Variants in CSMD1 observed in about 807,000 individuals in gnomAD.
CSMD1 encodes CUB and sushi domain-containing protein 1.
Under a neutral mutation model 417.5 loss-of-function variants are expected in CSMD1, and 213 were observed. The ratio of observed to expected loss-of-function variants is 0.51; its 90% CI spans 0.46 to 0.57. The LOEUF (loss-of-function observed/expected upper bound fraction) is 0.57. Ranked by LOEUF, CSMD1 falls within the 20% of genes least tolerant of loss-of-function variation. The probability of loss-of-function intolerance (pLI) is 0.00; values close to 1 mark genes in which losing one functional copy is unlikely to be tolerated. For missense variants in CSMD1, 6,923 were observed against 4,529.7 expected, an observed-to-expected ratio of 1.53 and a Z score of -15.17; for synonymous variants, 2,862 against 1,736.8, an observed-to-expected ratio of 1.65 and a Z score of -16.11.
At chr8:4,071,332 ACAT>A (rs1002755093) in intron 3 of CSMD1, among the ~76,000 whole-genome samples, 3 of 152,142 alleles carry the variant, frequency 2.0e-5, no homozygotes, top group African/African-American at 7.2e-5. Context: ...CATTGGACTA[ACAT>A]CATCAAGCTC....
At chr8:3,050,003 G>C (rs1047287637) in intron 50 of CSMD1, among the ~76,000 whole-genome samples, 1 of 151,744 alleles carries the variant, frequency 6.6e-6, no homozygotes, top group Non-Finnish European at 1.5e-5. Context: ...AAGTGACCTT[G>C]TCATTTAGCA....
At chr8:3,072,775 T>A (rs942798031) in intron 49 of CSMD1, among the ~76,000 whole-genome samples, 1 of 152,196 alleles carries the variant, frequency 6.6e-6, no homozygotes, top group Non-Finnish European at 1.5e-5. Flanking sequence ...TAGCATCGTA[T>A]TGGTTAGCAC....
intron 7 of CSMD1, among the ~76,000 whole-genome samples, chr8:3,681,363 G>A (rs1216361182): frequency 6.6e-6 from 1 of 152,050 alleles, no homozygotes; most frequent in Non-Finnish European, 1.5e-5. Context: ...AAATCAATGT[G>A]CAAAAATCAC....
chr8:4,589,125 G>A (rs1799858872), intron 2 of CSMD1, among the ~76,000 whole-genome samples: 1 of 151,962 alleles, frequency 6.6e-6, no homozygotes, highest in African/African-American at 2.4e-5. Context: ...GTTTCAAAAA[G>A]AGAAACTAGA....
chr8:4,115,529 T>C (rs1173244795), intron 3 of CSMD1, among the ~76,000 whole-genome samples: 1 of 152,226 alleles, frequency 6.6e-6, no homozygotes, highest in Non-Finnish European at 1.5e-5. Flanking sequence ...TAGGATTCTT[T>C]CACTTTTGTC....
At chr8:4,504,096 G>A (rs186885983) in intron 2 of CSMD1, among the ~76,000 whole-genome samples, 2 of 152,190 alleles carry the variant, frequency 1.3e-5, no homozygotes, top group East Asian at 3.9e-4. Context: ...TCCACTGATT[G>A]ATGGATAAAG....
intron 3 of CSMD1, among the ~76,000 whole-genome samples, chr8:4,177,125 A>G (rs1348002252): frequency 1.3e-5 from 2 of 152,206 alleles, no homozygotes; most frequent in African/African-American, 2.4e-5. Flanking sequence ...AACAGAATAT[A>G]CATGTTTTTC....
chr8:4,893,058 G>C (rs1804229940), intron 1 of CSMD1, among the ~76,000 whole-genome samples: 1 of 152,124 alleles, frequency 6.6e-6, no homozygotes. Context: ...AGGAATGAGG[G>C]CTGTGTCGAT....
At position 4,334,739 on chromosome 8, in the gene CSMD1, G is replaced by A. The variant is rs117800847; in HGVS notation, c.415+85214C>T. Among the ~76,000 whole-genome samples, 159 of 152,248 alleles carry A rather than the reference G, an allele frequency of 1.0e-3. No homozygotes were observed. The Middle Eastern group carries it at 0.02, about 20-fold the overall frequency. On this transcript the variant is annotated intron_variant, in intron 3 of 69. Coordinates refer to ENST00000635120, the MANE Select transcript of CSMD1 (RefSeq NM_033225.6). ...TTTTTATTTGCATAGATACTTGAAC[G>A]ATACGCTCGACTCTACTGTGTAGTT...
At chr8:4,233,381 T>A (rs1017554138) in intron 3 of CSMD1, among the ~76,000 whole-genome samples, 1 of 152,214 alleles carries the variant, frequency 6.6e-6, no homozygotes, top group African/African-American at 2.4e-5. Context: ...CTAAGTACTA[T>A]GTTCTGAAAG....
rs188582578 is a variant in CSMD1, at chr8:3,582,166, C to T, written c.1222+3970G>A. The stretch of plus-strand genomic sequence containing the variant: ...AAATGAACTTGGAAAATGGTCCCTG[C>T]TGTACCGAACGTGTCAACAGCAAAG... On this transcript the variant is annotated intron_variant, in intron 9 of 69. Transcript: ENST00000635120. 7.9e-5 allele frequency among the ~76,000 whole-genome samples: 12 copies of T among 152,314 alleles called. No homozygotes were observed. The East Asian group carries it at 1.3e-3, about 17-fold the overall frequency.
chr8:4,791,945 C>CT (rs5889063), intron 1 of CSMD1, among the ~76,000 whole-genome samples: 24,477 of 150,876 alleles, frequency 0.16, 2,136 homozygotes, highest in African/African-American at 0.24. Flanking sequence ...GTTAGTTTTC[C>CT]TTTTTTTTTA....
intron 1 of CSMD1, among the ~76,000 whole-genome samples, chr8:4,916,788 G>A (rs769503756): frequency 5.3e-5 from 8 of 152,198 alleles, no homozygotes; most frequent in African/African-American, 1.7e-4. Flanking sequence ...AGATGCTAAC[G>A]TAGGCTTTAC....
intron 5 of CSMD1, among the ~76,000 whole-genome samples, chr8:3,976,893 T>G (rs76362051): frequency 0.057 from 8,641 of 152,208 alleles, 347 homozygotes; most frequent in Non-Finnish European, 0.079. Context: ...TACCTTGAAT[T>G]TGTTTGCAAA....
rs118002950 is a variant in CSMD1, at chr8:3,157,056, C to T, written c.5914+841G>A. Among the ~76,000 whole-genome samples the T allele has an allele frequency of 2.7e-3, 400 of 145,502 alleles. 3 individuals carry two copies. In the East Asian group the frequency reaches 0.047, roughly 17 times the overall value. Reference sequence around the variant, plus strand: ...CGCAGAGGAAGTAGATCCAGGAGAACAACAATAGGTTTGGAGAAGCCGATC... The same window carrying T: ...CGCAGAGGAAGTAGATCCAGGAGAATAACAATAGGTTTGGAGAAGCCGATC... On this transcript the variant is annotated intron_variant, in intron 39 of 69. Coordinates refer to ENST00000635120, the MANE Select transcript of CSMD1 (RefSeq NM_033225.6).
intron 5 of CSMD1, among the ~76,000 whole-genome samples, chr8:3,937,682 T>C (rs1034521072): frequency 3.3e-5 from 5 of 152,162 alleles, no homozygotes; most frequent in Admixed American, 3.3e-4. Context: ...CGGCTGCATA[T>C]CAATAACTAC....
chr8:3,144,739 A>C (rs1001831756), intron 40 of CSMD1, among the ~76,000 whole-genome samples: 5 of 150,734 alleles, frequency 3.3e-5, no homozygotes, highest in Admixed American at 6.6e-5. Context: ...TTTGTTTAAA[A>C]GGAACTCAGA....
intron 1 of CSMD1, among the ~76,000 whole-genome samples, chr8:4,894,780 G>C (rs1414801047): frequency 1.3e-5 from 2 of 151,744 alleles, no homozygotes; most frequent in Non-Finnish European, 2.9e-5. Flanking sequence ...AAAATCTTCT[G>C]ACTTTTAATT....
chr8:3,266,182 A>C (rs1801415992), intron 26 of CSMD1, among the ~76,000 whole-genome samples: 1 of 150,896 alleles, frequency 6.6e-6, no homozygotes. Context: ...TCTCAAGGGC[A>C]AGCAGAAGAC....
Sources: allele counts gnomAD v4.1 joint callset (sites outside exome capture counted in the v4.1 genomes callset), GRCh38; gene constraint gnomAD v4.1.1; transcripts MANE v1.5; gene names NCBI Gene and HGNC (gene_info 2026-07-23, HGNC 2026-07-21).